PTPRN2: variants seen among roughly 807,000 people sequenced by gnomAD.
The protein encoded by PTPRN2 is receptor-type tyrosine-protein phosphatase N2.
Under a neutral mutation model 118.8 loss-of-function variants are expected in PTPRN2, and 74 were observed. The ratio of observed to expected loss-of-function variants is 0.62; its 90% CI spans 0.52 to 0.76. The LOEUF (loss-of-function observed/expected upper bound fraction) is 0.76. PTPRN2 is among the 30% of genes least tolerant of loss of function. PTPRN2 has a pLI of 0.00. For synonymous variants in PTPRN2, 641 were observed against 608.0 expected (o/e 1.05, Z -0.80); for missense variants, 1,481 against 1,394.4 (o/e 1.06, Z -0.99).
rs890959262 is a variant in PTPRN2 at position 157,873,569 on chromosome 7, G to A, written c.1788+25104C>T. On this transcript the variant is annotated intron_variant, in intron 12 of 22. Coordinates refer to ENST00000389418, the MANE Select transcript of PTPRN2 (RefSeq NM_002847.5). The stretch of plus-strand genomic sequence containing the variant: ...TCGTCGTGGGGGCCGGGAGGAGAAC[G>A]TACTGTCCTCAAGGTCTGTCTCGTC... Among the ~76,000 whole-genome samples, 7 of 133,086 alleles carry A rather than the reference G, an allele frequency of 5.3e-5. No individual in the cohort carries two copies. The South Asian group carries it at 8.9e-4, about 17-fold the overall frequency. 87.3% of individuals were successfully genotyped at this position (133,086 alleles called of 152,430 possible).
Position 157,903,108 on chromosome 7 carries a change from C to T in PTPRN2, c.1724-4371G>A, listed in dbSNP as rs1319660521. ...CACACTCTCACACGGAAGCAGGAACCAGACATCATCAGAGAGCCACACGCT... is the reference window on the plus strand; with the variant it reads ...CACACTCTCACACGGAAGCAGGAACTAGACATCATCAGAGAGCCACACGCT... On this transcript the variant is annotated intron_variant, in intron 11 of 22. Transcript: ENST00000389418. This position sits in a 1 kb window ranked among gnomAD's most constrained non-coding sequence, Gnocchi z 4.2. 6.6e-6 allele frequency among the ~76,000 whole-genome samples: 1 copy of T among 151,842 alleles called. No homozygotes were observed. Among genetic ancestry groups the T allele is most frequent in the Non-Finnish European group, 1.5e-5 (1 of 67,962 alleles).
intron 1 of PTPRN2, among the ~76,000 whole-genome samples, chr7:158,584,931 C>A (rs995492544): frequency 6.6e-6 from 1 of 152,176 alleles, no homozygotes; most frequent in Non-Finnish European, 1.5e-5. Flanking sequence ...GGCTGTTTGA[C>A]GTAACAGAGG....
chr7:158,508,238 C>A (rs1275419221), intron 1 of PTPRN2, among the ~76,000 whole-genome samples: 1 of 152,214 alleles, frequency 6.6e-6, no homozygotes, highest in East Asian at 1.9e-4. Flanking sequence ...CCACGCTGGG[C>A]AGGGGGCAGG....
Position 158,081,299 on chromosome 7 carries a change from T to C in PTPRN2, c.1722A>G (p.Thr574=). The C allele has an allele frequency of 1.2e-6, 2 of 1,613,808 alleles. No individual in the cohort carries two copies. Among genetic ancestry groups the C allele is most frequent in the Non-Finnish European group, 1.7e-6 (2 of 1,179,698 alleles). The change falls in exon 11 of 23, where the codon ACA becomes ACG. Residue 574 remains threonine, a splice_region_variant and synonymous_variant. Coordinates refer to ENST00000389418, the MANE Select transcript of PTPRN2 (RefSeq NM_002847.5). Reference sequence around the variant, plus strand: ...ACGTGTGTGTGGAAACAGCCTCACCTGTGGCCTTCTCCACATCCTCAGTGG... The same window carrying C: ...ACGTGTGTGTGGAAACAGCCTCACCCGTGGCCTTCTCCACATCCTCAGTGG... ...NVTTEDVEKA[T]VDNKDKLEET... is the part of the protein sequence containing the mutation.
rs574670421 is a variant in PTPRN2 at position 158,570,327 on chromosome 7, T to C, written c.112+17231A>G. Among the ~76,000 whole-genome samples, 12 of 152,280 alleles carry C rather than the reference T, an allele frequency of 7.9e-5. No homozygotes were observed. The highest frequency in any genetic ancestry group is 2.6e-4 in the African/African-American group (11 of 41,574). ...GCCTCCACCCCACACTCCACCGCGC[T>C]CTGCCAACCGGGACAAGGTGTTTTG... On this transcript the variant is annotated intron_variant, in intron 1 of 22. Transcript: ENST00000389418. This position sits in a 1 kb window ranked among gnomAD's most constrained non-coding sequence, Gnocchi z 4.5.
chr7:157,855,188 G>T (rs1445060246), intron 12 of PTPRN2, among the ~76,000 whole-genome samples: 1 of 148,592 alleles, frequency 6.7e-6, no homozygotes, highest in Non-Finnish European at 1.5e-5. Flanking sequence ...CATTGCAGGG[G>T]TGTGTGTGGG....
chr7:157,638,175 T>C (rs529305357), intron 14 of PTPRN2, among the ~76,000 whole-genome samples: 136 of 152,380 alleles, frequency 8.9e-4, no homozygotes, highest in Middle Eastern at 6.8e-3. Flanking sequence ...ACAAAGTTAA[T>C]ATCCAGCTCT....
chr7:158,046,849 C>T (rs1808916494), intron 11 of PTPRN2, among the ~76,000 whole-genome samples: 1 of 152,218 alleles, frequency 6.6e-6, no homozygotes. Context: ...GAGCTCTTGT[C>T]TTCCTTCCTG....
At chr7:157,941,937 G>A (rs756328036) in intron 11 of PTPRN2, among the ~76,000 whole-genome samples, 3 of 152,130 alleles carry the variant, frequency 2.0e-5, no homozygotes, top group Non-Finnish European at 2.9e-5. Flanking sequence ...GTCCCCTGCA[G>A]CAACACACAG....
intron 1 of PTPRN2, among the ~76,000 whole-genome samples, chr7:158,531,355 G>A (rs1033910737): frequency 2.0e-5 from 3 of 152,182 alleles, no homozygotes; most frequent in Non-Finnish European, 2.9e-5. Context: ...TCAAGCCCGC[G>A]GCTGCCACCC....
intron 11 of PTPRN2, among the ~76,000 whole-genome samples, chr7:158,001,008 GGGGGTGGGGTTTGGCCGC>G (rs1457149720): frequency 0.029 from 21 of 718 alleles, 10 homozygotes; most frequent in Non-Finnish European, 0.051. Flanking sequence ...GTGCAGGGTG[GGGGGTGGGGTTTGGCCGC>G]AGGTGGGGTG....
chr7:158,131,729 C>A (rs111219482), intron 9 of PTPRN2, among the ~76,000 whole-genome samples: 2 of 141,978 alleles, frequency 1.4e-5, no homozygotes, highest in Non-Finnish European at 3.0e-5. Flanking sequence ...CACACATCTA[C>A]CCAACACACT....
intron 15 of PTPRN2, chr7:157,616,677 T>C (rs1802793523): frequency 6.6e-6 from 1 of 152,070 alleles, no homozygotes; most frequent in Non-Finnish European, 1.5e-5. Context: ...AGGTGACATA[T>C]ATGCCCAGAA....
At chr7:158,053,313 G>A (rs1809476399) in intron 11 of PTPRN2, among the ~76,000 whole-genome samples, 1 of 152,164 alleles carries the variant, frequency 6.6e-6, no homozygotes, top group East Asian at 1.9e-4. Context: ...TAGTGACTGA[G>A]GGAGAAACAT....
intron 2 of PTPRN2, among the ~76,000 whole-genome samples, chr7:158,387,618 G>A (rs1586542653): frequency 1.3e-3 from 1 of 800 alleles, no homozygotes; most frequent in South Asian, 0.031. Flanking sequence ...TGAAGGCGGA[G>A]AGCTGCTGTG....
chr7:158,332,069 A>T (rs4909182), intron 2 of PTPRN2, among the ~76,000 whole-genome samples: 136,551 of 145,568 alleles, frequency 0.94, 64,277 homozygotes, highest in Non-Finnish European at 0.96. Context: ...TCTGCAGACG[A>T]CACTCACACC....
chr7:158,030,594 A>G (rs1348148524), intron 11 of PTPRN2: 1 of 152,368 alleles, frequency 6.6e-6, no homozygotes, highest in Non-Finnish European at 1.5e-5. Context: ...AGAAGTGCCC[A>G]GTGGGAAGGC....
chr7:158,016,651 G>A (rs1286348831), intron 11 of PTPRN2, among the ~76,000 whole-genome samples: 1 of 152,228 alleles, frequency 6.6e-6, no homozygotes, highest in African/African-American at 2.4e-5. Flanking sequence ...ACAAGTGCTT[G>A]CCAGCTCTCT....
chr7:158,553,458 A>T (rs558424542), intron 1 of PTPRN2, among the ~76,000 whole-genome samples: 2 of 151,494 alleles, frequency 1.3e-5, no homozygotes, highest in Admixed American at 1.3e-4. Flanking sequence ...ACACACACAC[A>T]CAGGCTTGGG....
Sources: allele counts gnomAD v4.1 joint callset (sites outside exome capture counted in the v4.1 genomes callset), GRCh38; gene constraint gnomAD v4.1.1; non-coding constraint Gnocchi (gnomAD v3.1); transcripts MANE v1.5; gene names NCBI Gene and HGNC (gene_info 2026-07-23, HGNC 2026-07-21).